DCDC2C: variants seen among roughly 807,000 people sequenced by gnomAD.
DCDC2C encodes the protein doublecortin domain containing 2C.
Under a neutral mutation model 45.0 loss-of-function variants are expected in DCDC2C, and 44 were observed. That is an observed-to-expected ratio of 0.98 (90% CI 0.77 to 1.26). The LOEUF is 1.26. Ranked by LOEUF, DCDC2C falls within the 50% of genes most tolerant of loss-of-function variation. DCDC2C has a pLI of 0.00. For synonymous variants in DCDC2C, 187 were observed against 178.8 expected (o/e 1.05, Z -0.37); for missense variants, 447 against 468.9 (o/e 0.95, Z 0.43).
chr2:3,785,886 T>C (rs1670638853), intron 10 of DCDC2C, among the ~76,000 whole-genome samples: 1 of 152,172 alleles, frequency 6.6e-6, no homozygotes. Flanking sequence ...CAGCTCTGCC[T>C]GGCCTTGGCT....
rs1668973283 is a variant in DCDC2C at position 3,734,794 on chromosome 2, C to T, written c.417-7126C>T. Among the ~76,000 whole-genome samples, 1 of 152,156 alleles carries T rather than the reference C, an allele frequency of 6.6e-6. No homozygotes were observed. Among genetic ancestry groups the T allele is most frequent in the South Asian group, 2.1e-4 (1 of 4,824 alleles). On this transcript the variant is annotated intron_variant, in intron 3 of 10. Transcript: ENST00000399143. This position sits in a 1 kb window ranked among gnomAD's most constrained non-coding sequence, Gnocchi z 4.2. Reference sequence around the variant, plus strand: ...AGAAGACTCCAAGACATGATCCTCTCCTTCATGCACAAGGAAGGACAAAGG... The same window carrying T: ...AGAAGACTCCAAGACATGATCCTCTTCTTCATGCACAAGGAAGGACAAAGG...
chr2:3,717,568 T>C (rs1572554334), intron 2 of DCDC2C, among the ~76,000 whole-genome samples: 1 of 150,836 alleles, frequency 6.6e-6, no homozygotes, highest in Admixed American at 6.6e-5. Context: ...CTGGAAGGAG[T>C]CCCATGCCTT....
At chr2:3,837,906 G>A (rs1672120248) in intron 10 of DCDC2C, among the ~76,000 whole-genome samples, 1 of 152,144 alleles carries the variant, frequency 6.6e-6, no homozygotes, top group South Asian at 2.1e-4. Flanking sequence ...CGGGAGGTGA[G>A]GAAGTGTGGG....
intron 9 of DCDC2C, among the ~76,000 whole-genome samples, chr2:3,782,753 A>G (rs925180082): frequency 1.2e-4 from 18 of 152,214 alleles, no homozygotes; most frequent in African/African-American, 4.1e-4. Flanking sequence ...TGCTGGGATT[A>G]CAGGCGTGAG....
At chr2:3,812,105 A>G (rs1671412925) in intron 10 of DCDC2C, among the ~76,000 whole-genome samples, 1 of 151,886 alleles carries the variant, frequency 6.6e-6, no homozygotes, top group African/African-American at 2.4e-5. Flanking sequence ...AAAATGAGTG[A>G]TGGACTCCCT....
chr2:3,841,634 A>G (rs1235965757), intron 10 of DCDC2C, among the ~76,000 whole-genome samples: 5 of 152,208 alleles, frequency 3.3e-5, no homozygotes, highest in African/African-American at 9.6e-5. Flanking sequence ...AAGATGAGTA[A>G]ACGCAATCCC....
intron 3 of DCDC2C, among the ~76,000 whole-genome samples, chr2:3,727,749 C>T (rs957309920): frequency 2.0e-5 from 3 of 152,162 alleles, no homozygotes; most frequent in African/African-American, 4.8e-5. Flanking sequence ...GTTTACATCC[C>T]GGCTTTTCGT....
intron 2 of DCDC2C, among the ~76,000 whole-genome samples, chr2:3,715,191 T>C (rs539374199): frequency 6.6e-6 from 1 of 152,340 alleles, no homozygotes; most frequent in South Asian, 2.1e-4. Context: ...TCAAGCAATA[T>C]ATTCCTGTAA....
At chr2:3,716,372 A>G (rs1451148251) in intron 2 of DCDC2C, among the ~76,000 whole-genome samples, 1 of 152,108 alleles carries the variant, frequency 6.6e-6, no homozygotes, top group East Asian at 1.9e-4. Flanking sequence ...CCAGACAAGG[A>G]AGATGAAGAC....
At chr2:3,763,081 C>G (rs569979378) in intron 6 of DCDC2C, among the ~76,000 whole-genome samples, 107 of 152,190 alleles carry the variant, frequency 7.0e-4, no homozygotes, top group African/African-American at 2.5e-3. Flanking sequence ...CTGAGAGAGC[C>G]CCTCCACACC....
chr2:3,759,115 G>A (rs1364404827), intron 6 of DCDC2C, among the ~76,000 whole-genome samples: 1 of 152,148 alleles, frequency 6.6e-6, no homozygotes, highest in Non-Finnish European at 1.5e-5. Flanking sequence ...AGGTACCAAC[G>A]GCTCAGGGGC....
At chr2:3,778,792 A>G (rs1190540128) in intron 8 of DCDC2C, 24 bp from the exon 9 acceptor site, 3 of 1,548,722 alleles carry the variant, frequency 1.9e-6, no homozygotes, top group East Asian at 4.9e-5. Context: ...GTAGTTGATA[A>G]AATGTGGTGT....
intron 2 of DCDC2C, among the ~76,000 whole-genome samples, chr2:3,713,620 G>A (rs574753911): frequency 2.6e-5 from 4 of 152,312 alleles, no homozygotes; most frequent in African/African-American, 9.6e-5. Context: ...ATCACACACT[G>A]GGGTTTAAGG....
intron 10 of DCDC2C, among the ~76,000 whole-genome samples, chr2:3,838,107 T>G (rs1340881112): frequency 6.6e-6 from 1 of 152,076 alleles, no homozygotes; most frequent in Non-Finnish European, 1.5e-5. Flanking sequence ...TAAGGAGCCC[T>G]TGAAGGTGGT....
chr2:3,754,699 A>T, intron 6 of DCDC2C, 65 bp downstream of exon 6: 1 of 1,433,882 alleles, frequency 7.0e-7, no homozygotes. Flanking sequence ...GGCATTAACA[A>T]GGGCACAGCG....
chr2:3,827,555 GT>G (rs1671856585), intron 10 of DCDC2C, among the ~76,000 whole-genome samples: 1 of 152,124 alleles, frequency 6.6e-6, no homozygotes. Context: ...CATTTTAATT[GT>G]TGATATTACT....
At chr2:3,731,701 C>T (rs1053139887) in intron 3 of DCDC2C, among the ~76,000 whole-genome samples, 8 of 152,258 alleles carry the variant, frequency 5.3e-5, no homozygotes, top group South Asian at 4.1e-4. Context: ...CACTGAGCTC[C>T]GGTTTCATGA....
chr2:3,822,894 T>C (rs1671728220), intron 10 of DCDC2C, among the ~76,000 whole-genome samples: 1 of 152,104 alleles, frequency 6.6e-6, no homozygotes, highest in South Asian at 2.1e-4. Flanking sequence ...GATCTTGTGA[T>C]AGTGAGTAAG....
At chr2:3,838,371 G>T (rs1672131157) in intron 10 of DCDC2C, among the ~76,000 whole-genome samples, 1 of 151,950 alleles carries the variant, frequency 6.6e-6, no homozygotes. Flanking sequence ...AGGATCATCA[G>T]ATATGATGAG....
Sources: gnomAD v4.1 joint callset for allele counts (sites outside exome capture counted in the v4.1 genomes callset) on GRCh38, gnomAD v4.1.1 for gene constraint, Gnocchi (gnomAD v3.1) non-coding constraint, MANE v1.5 for transcripts, NCBI Gene and HGNC (gene_info 2026-07-23, HGNC 2026-07-21) for gene names.